Variants in TMEM132C observed in about 807,000 individuals in gnomAD.
TMEM132C encodes transmembrane protein 132C.
In TMEM132C, 29 loss-of-function variants were observed where a neutral mutation model predicts 61.4. That is an observed-to-expected ratio of 0.47 (90% CI 0.35 to 0.64). The LOEUF (loss-of-function observed/expected upper bound fraction) is 0.64. Ranked by LOEUF, TMEM132C falls within the 30% of genes least tolerant of loss-of-function variation. The pLI is 0.00. For synonymous variants in TMEM132C, 656 were observed against 633.1 expected, an observed-to-expected ratio of 1.04 and a Z score of -0.54; for missense variants, 1,408 against 1,476.9, an observed-to-expected ratio of 0.95 and a Z score of 0.76.
At chr12:128,386,267 C>T (rs1156750953) in intron 1 of TMEM132C, among the ~76,000 whole-genome samples, 1 of 152,168 alleles carries the variant, frequency 6.6e-6, no homozygotes, top group East Asian at 1.9e-4. Flanking sequence ...ACAGGTGGGC[C>T]TCTGAAAGTG....
intron 2 of TMEM132C, among the ~76,000 whole-genome samples, chr12:128,543,269 C>T (rs998025676): frequency 1.3e-5 from 2 of 152,164 alleles, no homozygotes. Context: ...TGGCGCTGCT[C>T]TTGTTCTAAT....
At chr12:128,456,432 G>T (rs909388609) in intron 2 of TMEM132C, among the ~76,000 whole-genome samples, 2 of 66,138 alleles carry the variant, frequency 3.0e-5, no homozygotes, top group South Asian at 5.8e-4. Context: ...TTTTAGCAAA[G>T]GTCTTGCTCT....
At chr12:128,464,782 AAG>A (rs993542939) in intron 2 of TMEM132C, among the ~76,000 whole-genome samples, 3 of 142,736 alleles carry the variant, frequency 2.1e-5, no homozygotes, top group Admixed American at 7.1e-5. Flanking sequence ...GAAAGAAAGA[AAG>A]AGAGAAAGAG....
At chr12:128,594,270 G>A (rs1274097650) in intron 3 of TMEM132C, among the ~76,000 whole-genome samples, 1 of 151,998 alleles carries the variant, frequency 6.6e-6, no homozygotes, top group Non-Finnish European at 1.5e-5. Context: ...CGTGACAGCT[G>A]ACATCTCGGG....
chr12:128,356,436 C>G (rs1348563621), intron 1 of TMEM132C, among the ~76,000 whole-genome samples: 1 of 152,142 alleles, frequency 6.6e-6, no homozygotes, highest in Non-Finnish European at 1.5e-5. Context: ...CCATGTATAC[C>G]CACCTGCAGA....
In TMEM132C at chr12:128,581,255, CT is replaced by C. The variant is rs57374376; in HGVS notation, c.1122-34884del. ...CTGTTGGAATCCCCATTCCGGGAAT[CT>C]TTTTTTTTTTTTAATTTTTCCTTTT... On this transcript the variant is annotated intron_variant, in intron 3 of 8. Coordinates refer to ENST00000435159, the MANE Select transcript of TMEM132C (RefSeq NM_001136103.3). Among the ~76,000 whole-genome samples the C allele has an allele frequency of 7.9e-3, 1,138 of 143,538 alleles. 6 individuals carry two copies. Among genetic ancestry groups the C allele is most frequent in the African/African-American group, 0.02 (789 of 39,418 alleles). 94.2% of individuals were successfully genotyped at this position (143,538 alleles called of 152,430 possible). A position where few individuals can be genotyped will look rare whatever the true frequency, so the allele number is the denominator to read the frequency against.
intron 2 of TMEM132C, among the ~76,000 whole-genome samples, chr12:128,434,529 C>A (rs568929304): frequency 6.6e-6 from 1 of 152,158 alleles, no homozygotes; most frequent in Admixed American, 6.5e-5. Context: ...CTCAAGTGAT[C>A]CGCCTGCCTC....
chr12:128,602,578 A>C (rs1232699686), intron 3 of TMEM132C, among the ~76,000 whole-genome samples: 1 of 152,190 alleles, frequency 6.6e-6, no homozygotes, highest in Non-Finnish European at 1.5e-5. Flanking sequence ...TTAGCCCTGA[A>C]ATTCACCAAG....
chr12:128,389,280 C>T (rs1249503602), intron 1 of TMEM132C, among the ~76,000 whole-genome samples: 1 of 152,132 alleles, frequency 6.6e-6, no homozygotes, highest in Non-Finnish European at 1.5e-5. Context: ...AAGAGAGACA[C>T]TAAGCAAAGA....
intron 2 of TMEM132C, among the ~76,000 whole-genome samples, chr12:128,464,659 G>GCT (rs1280316168): frequency 2.0e-5 from 3 of 152,114 alleles, no homozygotes; most frequent in African/African-American, 7.2e-5. Flanking sequence ...GAGCTACTCA[G>GCT]GAGGCTGAGA....
intron 1 of TMEM132C, among the ~76,000 whole-genome samples, chr12:128,301,949 A>T (rs568560102): frequency 6.6e-6 from 1 of 152,372 alleles, no homozygotes; most frequent in Admixed American, 6.5e-5. Flanking sequence ...GAAACCACTT[A>T]TAAAACCATC....
chr12:128,649,436 G>A (rs933901023), intron 4 of TMEM132C, among the ~76,000 whole-genome samples: 12 of 152,180 alleles, frequency 7.9e-5, no homozygotes, highest in African/African-American at 1.4e-4. Flanking sequence ...GGACATAGAC[G>A]TTTCCCTGTG....
At chr12:128,388,554 T>A (rs1267063399) in intron 1 of TMEM132C, among the ~76,000 whole-genome samples, 1 of 152,076 alleles carries the variant, frequency 6.6e-6, no homozygotes, top group Non-Finnish European at 1.5e-5. Context: ...TTGAGACTGC[T>A]TCCCTGGAGA....
chr12:128,349,772 C>T (rs974493130), intron 1 of TMEM132C, among the ~76,000 whole-genome samples: 9 of 152,132 alleles, frequency 5.9e-5, no homozygotes, highest in Non-Finnish European at 1.3e-4. Flanking sequence ...GCAAAATTTC[C>T]ACCTGATCCA....
chr12:128,678,665 A>G (rs1402101675), intron 5 of TMEM132C, among the ~76,000 whole-genome samples: 2 of 152,224 alleles, frequency 1.3e-5, no homozygotes, highest in African/African-American at 4.8e-5. Flanking sequence ...GAGAACATCT[A>G]GCAATGTCTG....
At chr12:128,334,806 C>T (rs763536500) in intron 1 of TMEM132C, among the ~76,000 whole-genome samples, 3 of 152,114 alleles carry the variant, frequency 2.0e-5, no homozygotes, top group African/African-American at 4.8e-5. Flanking sequence ...CTGTGTTAGC[C>T]AGGAGGGTCT....
intron 3 of TMEM132C, among the ~76,000 whole-genome samples, chr12:128,544,316 G>T (rs1425138362): frequency 6.6e-6 from 1 of 152,262 alleles, no homozygotes; most frequent in Non-Finnish European, 1.5e-5. Context: ...GCGCTGCGGG[G>T]TCAGCTTTGG....
intron 5 of TMEM132C, among the ~76,000 whole-genome samples, chr12:128,677,806 C>G (rs1334659777): frequency 6.6e-6 from 1 of 152,200 alleles, no homozygotes; most frequent in African/African-American, 2.4e-5. Context: ...GCCTGTCTGA[C>G]CTCCAGGGCA....
chr12:128,462,522 G>A lies in TMEM132C; in HGVS notation c.974+46902G>A, dbSNP rs1427809059. On this transcript the variant is annotated intron_variant, in intron 2 of 8. Transcript: ENST00000435159. ...TTCCCAAAATTGTTTGTAATGTGAA[G>A]TCGAAAACCTGAATATTTTTATAGA... Among the ~76,000 whole-genome samples the A allele has an allele frequency of 3.3e-5, 5 of 152,172 alleles. No individual in the cohort carries two copies. The East Asian group carries it at 9.6e-4, about 29-fold the overall frequency.
Sources: gnomAD v4.1 joint callset for allele counts (sites outside exome capture counted in the v4.1 genomes callset) on GRCh38, gnomAD v4.1.1 for gene constraint, MANE v1.5 for transcripts, NCBI Gene and HGNC (gene_info 2026-07-23, HGNC 2026-07-21) for gene names.